CTBS: variants seen among roughly 807,000 people sequenced by gnomAD.
CTBS encodes the protein di-N-acetylchitobiase.
Under a neutral mutation model 44.3 loss-of-function variants are expected in CTBS, and 35 were observed. The observed-to-expected ratio is 0.79, with a 90% confidence interval of 0.60 to 1.05. CTBS has a LOEUF of 1.05. CTBS is among the 50% of genes least tolerant of loss of function. CTBS has a pLI of 0.00. For synonymous variants in CTBS, 143 were observed against 168.0 expected, an observed-to-expected ratio of 0.85 and a Z score of 1.15; for missense variants, 458 against 475.3, an observed-to-expected ratio of 0.96 and a Z score of 0.34.
In CTBS at chr1:84,550,503, C is replaced by T; in HGVS notation, c.*4496G>A. The T allele has an allele frequency of 6.4e-7, 1 of 1,554,938 alleles. No homozygotes were observed. Among genetic ancestry groups the T allele is most frequent in the Non-Finnish European group, 8.7e-7 (1 of 1,148,370 alleles). On this transcript the variant is annotated 3_prime_UTR_variant, in exon 7 of 7. Coordinates refer to ENST00000370630, the MANE Select transcript of CTBS (RefSeq NM_004388.3). ...AGCTTAAGAGAAAACTAGATACTGA[C>T]AAAATGAAACTCATAGTAGAAGTTA...
intron 3 of CTBS, among the ~76,000 whole-genome samples, chr1:84,566,493 T>C (rs1684703567): frequency 6.6e-6 from 1 of 152,226 alleles, no homozygotes; most frequent in Non-Finnish European, 1.5e-5. Flanking sequence ...TCACCTTATA[T>C]GGTAGATTTG....
intron 6 of CTBS, among the ~76,000 whole-genome samples, chr1:84,557,536 AAAAAAAAAAAAAAAAAAG>A (rs892755761): frequency 7.2e-5 from 6 of 82,850 alleles, no homozygotes; most frequent in South Asian, 4.8e-4. Context: ...TCCATCTCAA[AAAAAAAAAAAAAAAAAAG>A]AAAAAAAAAA....
At position 84,557,692 on chromosome 1, in the gene CTBS, A is replaced by T. The variant is rs569198875; in HGVS notation, c.958-2493T>A. 2.6e-5 allele frequency among the ~76,000 whole-genome samples: 4 copies of T among 151,554 alleles called. No individual in the cohort carries two copies. The South Asian group carries it at 6.3e-4, about 24-fold the overall frequency. On this transcript the variant is annotated intron_variant, in intron 6 of 6. Coordinates refer to ENST00000370630, the MANE Select transcript of CTBS (RefSeq NM_004388.3). ...AACACAGTGAAACCCCGTCTCTATT[A>T]AAAAAATACAAAAAAATTAGCCAGG... is the stretch of plus-strand genomic sequence containing the variant.
chr1:84,558,795 G>T (rs1684527319), intron 6 of CTBS, among the ~76,000 whole-genome samples: 1 of 151,964 alleles, frequency 6.6e-6, no homozygotes, highest in African/African-American at 2.4e-5. Context: ...TAGCTACTTG[G>T]TAGGCTGAGG....
At chr1:84,567,179 C>G (rs1684715526) in intron 3 of CTBS, among the ~76,000 whole-genome samples, 1 of 152,164 alleles carries the variant, frequency 6.6e-6, no homozygotes, top group Non-Finnish European at 1.5e-5. Context: ...AGGACTTCTT[C>G]AAAGTTCCCT....
chr1:84,553,105 A>G lies in CTBS; in HGVS notation c.*1894T>C. 6.6e-7 allele frequency: 1 copy of G among 1,505,758 alleles called. No individual in the cohort carries two copies. The highest frequency in any genetic ancestry group is 8.9e-7 in the Non-Finnish European group (1 of 1,122,212). The allele number at this position is 1,505,758 out of a possible 1,614,324, so 93.3% of individuals were successfully genotyped here. On this transcript the variant is annotated 3_prime_UTR_variant, in exon 7 of 7. Transcript: ENST00000370630. ...CTGGCACAGAAAAAAAAAATAATAC[A>G]TCTCTACAATCTCAATTAGGTATGT...
Position 84,565,959 on chromosome 1 carries a change from A to C in CTBS, c.579T>G (p.Asn193Lys). The change falls in exon 4 of 7, where the codon AAT (asparagine) becomes AAG (lysine). Residue 193 changes from asparagine (N) to lysine (K), a missense_variant. Asn to Lys is a moderately conservative substitution (Grantham distance 94). Coordinates refer to ENST00000370630, the MANE Select transcript of CTBS (RefSeq NM_004388.3). ...CACAAGCATCTGCGATTCCAGTATA[A>C]TTATAGCATCTTCTGTCTATGTTCT... ...SPKNIDRRCY[N>K]YTGIADACDF... 6.3e-7 allele frequency: 1 copy of C among 1,595,752 alleles called. No homozygotes were observed. The highest frequency in any genetic ancestry group is 8.5e-7 in the Non-Finnish European group (1 of 1,172,094).
intron 6 of CTBS, among the ~76,000 whole-genome samples, chr1:84,559,623 G>GA (rs1439301422): frequency 4.6e-5 from 7 of 150,544 alleles, no homozygotes; most frequent in African/African-American, 9.8e-5. Context: ...CTCCATCTCA[G>GA]AAAAAAAAGA....
Position 84,550,143 on chromosome 1 carries a change from A to C in CTBS, c.*4856T>G, listed in dbSNP as rs568224143. The C allele has an allele frequency of 1.8e-4, 35 of 190,476 alleles. No individual in the cohort carries two copies. The highest frequency in any genetic ancestry group is 5.8e-4 in the South Asian group (3 of 5,200). 11.8% of individuals were successfully genotyped at this position (190,476 alleles called of 1,614,324 possible). ...ATTCAGCTGATAAAGCATTATGACA[A>C]TTTTAAAGTCTTGCTAATAACTAAG... On this transcript the variant is annotated 3_prime_UTR_variant, in exon 7 of 7. Coordinates refer to ENST00000370630, the MANE Select transcript of CTBS (RefSeq NM_004388.3).
At chr1:84,567,335 AAT>A (rs1001470871) in intron 3 of CTBS, among the ~76,000 whole-genome samples, 1 of 152,206 alleles carries the variant, frequency 6.6e-6, no homozygotes, top group African/African-American at 2.4e-5. Flanking sequence ...ATATTATAGT[AAT>A]AGAGAAAAAT....
Position 84,551,630 on chromosome 1 carries a change from C to T in CTBS, c.*3369G>A, listed in dbSNP as rs1186956737. On this transcript the variant is annotated 3_prime_UTR_variant, in exon 7 of 7. Coordinates refer to ENST00000370630, the MANE Select transcript of CTBS (RefSeq NM_004388.3). Reference sequence around the variant, plus strand: ...ACAGTGCAGTTCTAGATTCTTTTTACAAGCAGCATTCTCGAGGCTAAATAA... The same window carrying T: ...ACAGTGCAGTTCTAGATTCTTTTTATAAGCAGCATTCTCGAGGCTAAATAA... The T allele has an allele frequency of 1.1e-4, 16 of 152,108 alleles. No homozygotes were observed. The highest frequency in any genetic ancestry group is 1.0e-3 in the Admixed American group (16 of 15,262). 9.4% of individuals were successfully genotyped at this position (152,108 alleles called of 1,614,324 possible).
Position 84,555,052 on chromosome 1 carries a change from G to A in CTBS, c.1105C>T (p.Gln369Ter), listed in dbSNP as rs764908593. 1 of 1,613,946 alleles carries A rather than the reference G, an allele frequency of 6.2e-7. No homozygotes were observed. Among genetic ancestry groups the A allele is most frequent in the South Asian group, 1.1e-5 (1 of 91,074 alleles). The change falls in exon 7 of 7, where the codon CAG (glutamine) becomes TAG (stop). Residue 369 changes from glutamine to a stop codon, truncating the protein, a stop_gained. Transcript: ENST00000370630. LOFTEE classifies it high-confidence loss of function. ...LDYSGDAVAKQQTEEMWEVLK... is the reference protein window; with the variant it reads ...LDYSGDAVAK Reference sequence around the variant, plus strand: ...ACTTCCCACATTTCTTCAGTTTGCTGTTTGGCTACAGCATCTCCAGAGTAG... The same window carrying A: ...ACTTCCCACATTTCTTCAGTTTGCTATTTGGCTACAGCATCTCCAGAGTAG...
chr1:84,574,149 C>T (rs1221482995), intron 1 of CTBS, 90 bp downstream of exon 1: 1 of 1,538,816 alleles, frequency 6.5e-7, no homozygotes, highest in Non-Finnish European at 8.8e-7. Context: ...GTTTCGGCGC[C>T]CACGGCACCT....
At chr1:84,558,968 A>G (rs1482937731) in intron 6 of CTBS, among the ~76,000 whole-genome samples, 1 of 152,200 alleles carries the variant, frequency 6.6e-6, no homozygotes, top group Admixed American at 6.5e-5. Context: ...CAGATTACTA[A>G]GGTCAGGATT....
Position 84,565,987 on chromosome 1 carries a change from G to A in CTBS, c.551C>T (p.Pro184Leu). The A allele has an allele frequency of 1.3e-6, 2 of 1,564,976 alleles. No individual in the cohort carries two copies. The highest frequency in any genetic ancestry group is 1.2e-5 in the South Asian group (1 of 81,156). ...ATAGCATCTTCTGTCTATGTTCTTTGGAGACCAAGCTACATCAAAGGTTAC... is the reference window on the plus strand; with the variant it reads ...ATAGCATCTTCTGTCTATGTTCTTTAGAGACCAAGCTACATCAAAGGTTAC... ...SQVTFDVAWS[P>L]KNIDRRCYNY... The change falls in exon 4 of 7, where the codon CCA becomes CTA. Residue 184 changes from proline (P) to leucine (L), a missense_variant. Transcript: ENST00000370630.
rs1304375235 is a variant in CTBS, at chr1:84,554,710, T to A, written c.*289A>T. 7.6e-6 allele frequency: 2 copies of A among 264,582 alleles called. No individual in the cohort carries two copies. Among genetic ancestry groups the A allele is most frequent in the Non-Finnish European group, 1.4e-5 (2 of 139,038 alleles). The allele number at this position is 264,582 out of a possible 1,614,324, so 16.4% of individuals were successfully genotyped here. On this transcript the variant is annotated 3_prime_UTR_variant, in exon 7 of 7. Transcript: ENST00000370630. Reference sequence around the variant, plus strand: ...TATATTTTACTATAATGAAGGGAAATATGGCATAATAAAATTCTGAAAGCA... The same window carrying A: ...TATATTTTACTATAATGAAGGGAAAAATGGCATAATAAAATTCTGAAAGCA...
At position 84,570,667 on chromosome 1, in the gene CTBS, C is replaced by A. The variant is rs755196334; in HGVS notation, c.231G>T (p.Gln77His). The A allele has an allele frequency of 6.2e-7, 1 of 1,614,024 alleles. No homozygotes were observed. The highest frequency in any genetic ancestry group is 2.2e-5 in the East Asian group (1 of 44,888). Reference protein sequence around the residue: ...QKTWKSYDWSQITTVATFGKY... With the variant: ...QKTWKSYDWSHITTVATFGKY... ...TTCCAAATGTTGCCACAGTTGTAAT[C>A]TGTGACCAATCATAAGATTTCCAAG... is the stretch of plus-strand genomic sequence containing the variant. Residue 77 changes from glutamine (Q) to histidine (H), a missense_variant, in exon 2 of 7, where the codon CAG becomes CAT. Transcript: ENST00000370630.
chr1:84,568,144 A>G (rs1684732368), intron 3 of CTBS, among the ~76,000 whole-genome samples: 1 of 152,026 alleles, frequency 6.6e-6, no homozygotes, highest in Admixed American at 6.6e-5. Flanking sequence ...TGTTCTCCTC[A>G]CCTCTCAAGA....
At chr1:84,573,817 A>C (rs145146458) in intron 1 of CTBS, 1 of 930,158 alleles carries the variant, frequency 1.1e-6, no homozygotes, top group East Asian at 1.1e-4. Flanking sequence ...AGAAAACTAA[A>C]GGTAAGCAAA....
Sources: allele counts gnomAD v4.1 joint callset (sites outside exome capture counted in the v4.1 genomes callset), GRCh38; gene constraint gnomAD v4.1.1; transcripts MANE v1.5; gene names NCBI Gene and HGNC (gene_info 2026-07-23, HGNC 2026-07-21).